The following ASB3 variants were observed in gnomAD, a reference collection of about 807,000 sequenced individuals.
ASB3 encodes the protein ankyrin repeat and SOCS box containing 3, also known as ankyrin repeat and SOCS box protein 3.
Under a neutral mutation model 54.5 loss-of-function variants are expected in ASB3, and 41 were observed. The ratio of observed to expected loss-of-function variants is 0.75; its 90% confidence interval spans 0.59 to 0.98. The LOEUF (loss-of-function observed/expected upper bound fraction) is 0.98. Ranked by LOEUF, ASB3 falls within the 50% of genes least tolerant of loss-of-function variation. ASB3 has a pLI of 0.00. For missense variants in ASB3, 733 were observed against 620.0 expected, an observed-to-expected ratio of 1.18 and a Z score of -1.94; for synonymous variants, 266 against 221.2, an observed-to-expected ratio of 1.20 and a Z score of -1.80.
At chr2:53,776,415 C>G (rs1021160863) in intron 1 of ASB3, among the ~76,000 whole-genome samples, 1 of 152,200 alleles carries the variant, frequency 6.6e-6, no homozygotes, top group Non-Finnish European at 1.5e-5. Context: ...AGTTACCTAT[C>G]AAATGTTCCT....
At position 53,700,387 on chromosome 2, in the gene ASB3, C is replaced by G; in HGVS notation, c.1122G>C (p.Trp374Cys). ...GATTTACAAATTCATATATATGGTT[C>G]CATGGTCCCAATGAGCAACCTTTCC... ...FLRKGCSLGP[W>C]NHIYEFVNHA... Residue 374 changes from tryptophan (W) to cysteine (C), a missense_variant, in exon 8 of 10, where the codon TGG becomes TGC. Coordinates refer to ENST00000263634, the MANE Select transcript of ASB3 (RefSeq NM_016115.5). The G allele has an allele frequency of 6.2e-7, 1 of 1,614,066 alleles. No individual in the cohort carries two copies. The highest frequency in any genetic ancestry group is 8.5e-7 in the Non-Finnish European group (1 of 1,180,004).
intron 1 of ASB3, among the ~76,000 whole-genome samples, 188 bp from the exon 2 acceptor site, chr2:53,765,773 G>A (rs747689648): frequency 6.6e-6 from 1 of 152,142 alleles, no homozygotes; most frequent in Admixed American, 6.5e-5. Flanking sequence ...TCTCTGTTTG[G>A]CAGATTGGAA....
At chr2:53,768,102 AGAACCACACCTTAGC>A (rs1673621025) in intron 1 of ASB3, 1 of 1,523,402 alleles carries the variant, frequency 6.6e-7, no homozygotes, top group Non-Finnish European at 8.9e-7. Context: ...CACACCCTAG[AGAACCACACCTTAGC>A]GCTTCATGGG....
At chr2:53,723,904 C>G (rs981619707) in intron 5 of ASB3, among the ~76,000 whole-genome samples, 14 of 152,010 alleles carry the variant, frequency 9.2e-5, no homozygotes, top group African/African-American at 3.1e-4. Flanking sequence ...AAACTGGAAC[C>G]CTATCTTTCA....
intron 5 of ASB3, among the ~76,000 whole-genome samples, chr2:53,724,249 T>C (rs1670867338): frequency 6.6e-6 from 1 of 152,118 alleles, no homozygotes; most frequent in African/African-American, 2.4e-5. Flanking sequence ...TTGTCCAATA[T>C]CTAGAATCTA....
intron 1 of ASB3, among the ~76,000 whole-genome samples, chr2:53,784,805 A>G (rs774641071): frequency 2.6e-5 from 4 of 152,200 alleles, no homozygotes; most frequent in Non-Finnish European, 5.9e-5. Context: ...CCCTATCCCA[A>G]GTAGTTCACA....
chr2:53,702,769 A>T (rs115377749), intron 7 of ASB3, among the ~76,000 whole-genome samples: 47 of 152,348 alleles, frequency 3.1e-4, no homozygotes, highest in African/African-American at 1.1e-3. Context: ...CACATAAAAG[A>T]AGCACAGTAA....
At chr2:53,767,792 G>A (rs62137612) in intron 1 of ASB3, 108,430 of 1,484,820 alleles carry the variant, frequency 0.073, 4,724 homozygotes, top group Admixed American at 0.15. Flanking sequence ...CCTGCGCCCC[G>A]CGCGGCCGGT....
chr2:53,731,197 C>T (rs1443209562), intron 3 of ASB3, among the ~76,000 whole-genome samples: 5 of 152,098 alleles, frequency 3.3e-5, no homozygotes, highest in South Asian at 2.1e-4. Flanking sequence ...TTCAGGAGAT[C>T]GAGACCATCC....
intron 5 of ASB3, among the ~76,000 whole-genome samples, chr2:53,726,471 G>A (rs966027562): frequency 6.6e-6 from 1 of 151,522 alleles, no homozygotes; most frequent in Non-Finnish European, 1.5e-5. Flanking sequence ...ATGTTGTCCA[G>A]GCTGGTTGCA....
chr2:53,715,476 A>G (rs1181484165), intron 6 of ASB3, among the ~76,000 whole-genome samples: 1 of 152,186 alleles, frequency 6.6e-6, no homozygotes, highest in East Asian at 1.9e-4. Context: ...AGTAGGCTAT[A>G]AAGAAAATCA....
intron 1 of ASB3, among the ~76,000 whole-genome samples, chr2:53,781,412 C>CAA (rs201329287): frequency 1.9e-5 from 2 of 103,540 alleles, no homozygotes; most frequent in Non-Finnish European, 4.2e-5. Context: ...ACTCTGTCTC[C>CAA]AAAAAAAAAA....
Position 53,670,146 on chromosome 2 carries a change from T to G in ASB3, c.*357A>C. The G allele has an allele frequency of 5.5e-6, 1 of 181,656 alleles. No individual in the cohort carries two copies. The highest frequency in any genetic ancestry group is 1.1e-5 in the Non-Finnish European group (1 of 88,238). 11.3% of individuals were successfully genotyped at this position (181,656 alleles called of 1,614,324 possible). A position where few individuals can be genotyped will look rare whatever the true frequency, so the allele number is the denominator to read the frequency against. The stretch of plus-strand genomic sequence containing the variant: ...GGTAAACACGAATCATAGGTGGAAA[T>G]ATGCCATGTTTAGCACTAGAAGTAA... On this transcript the variant is annotated 3_prime_UTR_variant, in exon 10 of 10. Coordinates refer to ENST00000263634, the MANE Select transcript of ASB3 (RefSeq NM_016115.5).
intron 1 of ASB3, among the ~76,000 whole-genome samples, chr2:53,778,406 T>C (rs1019409338): frequency 1.3e-5 from 2 of 152,196 alleles, no homozygotes; most frequent in Non-Finnish European, 2.9e-5. Context: ...ACCTCAAATT[T>C]TTTTTGTAGT....
chr2:53,730,699 C>A (rs1038616184), intron 3 of ASB3, among the ~76,000 whole-genome samples: 1 of 152,164 alleles, frequency 6.6e-6, no homozygotes, highest in African/African-American at 2.4e-5. Context: ...TCAACCTCGC[C>A]AGCACCTGTT....
chr2:53,760,686 C>T (rs1313479002), intron 2 of ASB3, among the ~76,000 whole-genome samples: 2 of 152,138 alleles, frequency 1.3e-5, no homozygotes, highest in Admixed American at 1.3e-4. Flanking sequence ...TTGATAGCAC[C>T]CATCAGATGG....
At chr2:53,737,348 A>C (rs1165540457) in intron 3 of ASB3, among the ~76,000 whole-genome samples, 1 of 152,194 alleles carries the variant, frequency 6.6e-6, no homozygotes, top group Non-Finnish European at 1.5e-5. Flanking sequence ...GCTCAAGTGC[A>C]GTAGTAAACT....
chr2:53,778,163 A>AG (rs1304526142), intron 1 of ASB3, among the ~76,000 whole-genome samples: 2 of 151,344 alleles, frequency 1.3e-5, no homozygotes, highest in Non-Finnish European at 3.0e-5. Context: ...AAAAAAAAAA[A>AG]AAAAAAAAAG....
intron 9 of ASB3, among the ~76,000 whole-genome samples, chr2:53,679,281 A>G (rs1026979133): frequency 1.3e-5 from 2 of 152,178 alleles, no homozygotes; most frequent in African/African-American, 4.8e-5. Flanking sequence ...TTGCTCTGCA[A>G]ATCTTTCAAT....
Sources: allele counts gnomAD v4.1 joint callset (sites outside exome capture counted in the v4.1 genomes callset), GRCh38; gene constraint gnomAD v4.1.1; transcripts MANE v1.5; gene names NCBI Gene and HGNC (gene_info 2026-07-23, HGNC 2026-07-21).